DDX25: variants seen among roughly 807,000 people sequenced by gnomAD.
The protein encoded by DDX25 is DEAD-box helicase 25, also known as ATP-dependent RNA helicase DDX25.
In DDX25, 70 loss-of-function variants were observed where a neutral mutation model predicts 64.6. The ratio of observed to expected loss-of-function variants is 1.08; its 90% CI spans 0.89 to 1.32. The LOEUF is 1.32. DDX25 is among the 40% of genes most tolerant of loss of function. The pLI is 0.00. For synonymous variants in DDX25, 211 were observed against 213.3 expected (o/e 0.99, Z 0.09); for missense variants, 587 against 604.4 (o/e 0.97, Z 0.30).
In DDX25 at chr11:125,910,423, G is replaced by A; in HGVS notation, c.567G>A (p.Gln189=). ...LALQTGRVVE[Q]MGKFCVDVQV... ...TGCAAACTGGCCGTGTGGTTGAGCA[G>A]ATGGGAAAATTCTGTGTGGATGTTC... The change falls in exon 7 of 12, where the codon CAG becomes CAA. Residue 189 remains glutamine, a synonymous_variant. Transcript: ENST00000263576. The A allele has an allele frequency of 6.2e-7, 1 of 1,614,034 alleles. No individual in the cohort carries two copies. Among genetic ancestry groups the A allele is most frequent in the Non-Finnish European group, 8.5e-7 (1 of 1,179,890 alleles).
chr11:125,906,205 C>T lies in DDX25; in HGVS notation c.307C>T (p.Arg103Trp), dbSNP rs756493172. 2.3e-5 allele frequency: 35 copies of T among 1,535,002 alleles called. No individual in the cohort carries two copies. Among genetic ancestry groups the T allele is most frequent in the South Asian group, 1.6e-4 (13 of 79,854 alleles). Residue 103 changes from arginine (R) to tryptophan (W), a missense_variant, in exon 4 of 12, where the codon CGG (arginine) becomes TGG (tryptophan). Transcript: ENST00000263576. ...CTCAGTAAAGACATTTGAAGAGCTG[C>T]GGCTGTGAGTATTTTTACTCTTTTA... ...LYSVKTFEELRLKEELLKGIY... is the reference protein window; with the variant it reads ...LYSVKTFEELWLKEELLKGIY...
At position 125,906,208 on chromosome 11, in the gene DDX25, C is replaced by T; in HGVS notation, c.310C>T (p.Leu104=). The stretch of plus-strand genomic sequence containing the variant: ...AGTAAAGACATTTGAAGAGCTGCGG[C>T]TGTGAGTATTTTTACTCTTTTAATA... ...YSVKTFEELR[L]KEELLKGIYA... is the part of the protein sequence containing the mutation. The change falls in exon 4 of 12, where the codon CTA becomes TTA. Residue 104 remains leucine (L), a splice_region_variant and synonymous_variant. Transcript: ENST00000263576. 1.3e-6 allele frequency: 2 copies of T among 1,534,448 alleles called. No homozygotes were observed. Among genetic ancestry groups the T allele is most frequent in the Non-Finnish European group, 1.8e-6 (2 of 1,142,482 alleles).
intron 9 of DDX25, 131 bp downstream of exon 9, chr11:125,917,382 A>G (rs2134282308): frequency 2.6e-6 from 2 of 780,606 alleles, no homozygotes; most frequent in East Asian, 5.4e-5. Context: ...AATCTTCAGA[A>G]CAGCTCTAAA....
chr11:125,910,482 T>C lies in DDX25; in HGVS notation c.622+4T>C, dbSNP rs376323512. ...TATGCCATTCGAGGGAATCGAAGTATGTACCAGTAAGCCAGTCCTGGCTGA... is the reference window on the plus strand; with the variant it reads ...TATGCCATTCGAGGGAATCGAAGTACGTACCAGTAAGCCAGTCCTGGCTGA... On this transcript the variant is annotated splice_donor_region_variant and intron_variant, in intron 7 of 11. Coordinates refer to ENST00000263576, the MANE Select transcript of DDX25 (RefSeq NM_013264.5). The C allele has an allele frequency of 1.2e-6, 2 of 1,613,608 alleles. No individual in the cohort carries two copies. The highest frequency in any genetic ancestry group is 1.7e-5 in the Admixed American group (1 of 60,018).
chr11:125,911,699 C>T (rs1944971241), intron 8 of DDX25, among the ~76,000 whole-genome samples: 1 of 152,188 alleles, frequency 6.6e-6, no homozygotes. Flanking sequence ...TGCCTGAGTG[C>T]TTTACTTTGC....
chr11:125,909,099 G>A (rs556591826), intron 6 of DDX25, among the ~76,000 whole-genome samples: 4 of 152,062 alleles, frequency 2.6e-5, no homozygotes, highest in Admixed American at 1.3e-4. Flanking sequence ...ACTGGTACCC[G>A]GTTTACCATT....
chr11:125,916,616 T>C (rs1235109748), intron 8 of DDX25, among the ~76,000 whole-genome samples: 1 of 152,246 alleles, frequency 6.6e-6, no homozygotes, highest in Admixed American at 6.5e-5. Flanking sequence ...CCTCCCAAGA[T>C]ATATAATGCC....
intron 8 of DDX25, among the ~76,000 whole-genome samples, chr11:125,912,980 A>T (rs11220272): frequency 0.42 from 64,049 of 151,564 alleles, 13,718 homozygotes; most frequent in Non-Finnish European, 0.44. Flanking sequence ...ACACGGTGAA[A>T]CCCCATCTCT....
chr11:125,907,378 G>A (rs1343242555), intron 4 of DDX25, among the ~76,000 whole-genome samples: 17 of 152,130 alleles, frequency 1.1e-4, no homozygotes, highest in African/African-American at 3.1e-4. Flanking sequence ...GGAGGCCAAG[G>A]GGGGCGGATC....
rs994910021 is a variant in DDX25 at position 125,906,346 on chromosome 11, G to T, written c.311+137G>T. 10 of 1,152,792 alleles carry T rather than the reference G, an allele frequency of 8.7e-6. No homozygotes were observed. In the African/African-American group the frequency reaches 1.3e-4, roughly 15 times the overall value. 71.4% of individuals were successfully genotyped at this position (1,152,792 alleles called of 1,614,324 possible). ...ATTTTTTTTTGTTATTTGAGACAGA[G>T]TCTCACTCTGTCCCCCAGGCTGGAG... On this transcript the variant is annotated intron_variant, in intron 4 of 11. Coordinates refer to ENST00000263576, the MANE Select transcript of DDX25 (RefSeq NM_013264.5).
intron 4 of DDX25, among the ~76,000 whole-genome samples, chr11:125,906,569 A>G (rs1316697850): frequency 1.3e-5 from 2 of 152,142 alleles, no homozygotes; most frequent in African/African-American, 2.4e-5. Flanking sequence ...GCTCATTCCT[A>G]TAATCCCAAC....
intron 8 of DDX25, among the ~76,000 whole-genome samples, chr11:125,912,488 C>T (rs577518477): frequency 1.5e-4 from 23 of 152,312 alleles, no homozygotes; most frequent in African/African-American, 5.5e-4. Context: ...ATGTTCAAGT[C>T]CCTGATGTAA....
chr11:125,904,440 T>C, upstream of DDX25: 2 of 1,306,592 alleles, frequency 1.5e-6, no homozygotes, highest in Non-Finnish European at 2.0e-6. Context: ...GGAAGCCCAT[T>C]GGCCAGCGGA....
At chr11:125,904,488 G>T (rs1274547686), upstream of DDX25, 1 of 1,469,896 alleles carries the variant, frequency 6.8e-7, no homozygotes, top group Non-Finnish European at 9.0e-7. Flanking sequence ...GTGGAAGCAC[G>T]TGCTGGGGGC....
At chr11:125,908,071 T>C (rs1944918036) in intron 4 of DDX25, 125 bp from the exon 5 acceptor site, 1 of 730,760 alleles carries the variant, frequency 1.4e-6, no homozygotes, top group African/African-American at 1.8e-5. Flanking sequence ...ATGATCTATC[T>C]CCAAATACTA....
chr11:125,910,331 T>C, intron 6 of DDX25, 33 bp from the exon 7 acceptor site: 1 of 1,585,958 alleles, frequency 6.3e-7, no homozygotes, highest in South Asian at 1.1e-5. Flanking sequence ...TGTAAGAACC[T>C]TTCTCCTCCC....
chr11:125,922,626 C>T (rs1286694684), intron 11 of DDX25, 194 bp from the exon 12 acceptor site: 6 of 503,736 alleles, frequency 1.2e-5, no homozygotes, highest in Non-Finnish European at 2.1e-5. Context: ...TATCTAGATA[C>T]ATACATTCCA....
intron 8 of DDX25, among the ~76,000 whole-genome samples, chr11:125,912,146 C>A (rs902006611): frequency 6.6e-6 from 1 of 152,122 alleles, no homozygotes; most frequent in Non-Finnish European, 1.5e-5. Flanking sequence ...GAAGAGAATA[C>A]TTCTCTTTTC....
At chr11:125,919,341 G>A (rs1945081268) in intron 10 of DDX25, among the ~76,000 whole-genome samples, 2 of 152,072 alleles carry the variant, frequency 1.3e-5, no homozygotes, top group South Asian at 2.1e-4. Context: ...TGATAGGTGT[G>A]CGTTTAGCTT....
Sources: gnomAD v4.1 joint callset for allele counts (sites outside exome capture counted in the v4.1 genomes callset) on GRCh38, gnomAD v4.1.1 for gene constraint, MANE v1.5 for transcripts, NCBI Gene and HGNC (gene_info 2026-07-23, HGNC 2026-07-21) for gene names.